ATP6V1C2: variants seen among roughly 807,000 people sequenced by gnomAD.
ATP6V1C2 encodes the protein V-type proton ATPase subunit C 2.
A neutral mutation model predicts 56.8 loss-of-function variants in ATP6V1C2; 45 were observed. That is an observed-to-expected ratio of 0.79 (90% CI 0.62 to 1.02). ATP6V1C2 has a LOEUF of 1.02. Ranked by LOEUF, ATP6V1C2 falls within the 50% of genes least tolerant of loss-of-function variation. ATP6V1C2 has a pLI of 0.00. For missense variants in ATP6V1C2, 463 were observed against 519.7 expected (o/e 0.89, Z 1.06); for synonymous variants, 220 against 201.3 (o/e 1.09, Z -0.79).
intron 3 of ATP6V1C2, among the ~76,000 whole-genome samples, chr2:10,743,580 C>T (rs186220892): frequency 2.6e-5 from 4 of 151,810 alleles, no homozygotes; most frequent in Non-Finnish European, 1.5e-5. Context: ...TTCAATGGCT[C>T]ACACCTGTAA....
chr2:10,769,402 GGTGT>G (rs1664443358), intron 6 of ATP6V1C2, among the ~76,000 whole-genome samples: 1 of 152,134 alleles, frequency 6.6e-6, no homozygotes, highest in Non-Finnish European at 1.5e-5. Flanking sequence ...TGTTGTTGGA[GGTGT>G]GTAAGAGAAG....
At position 10,785,037 on chromosome 2, in the gene ATP6V1C2, G is replaced by A. The variant is rs1436098046; in HGVS notation, c.*1774G>A. 6.4e-6 allele frequency: 10 copies of A among 1,555,140 alleles called. No homozygotes were observed. Among genetic ancestry groups the A allele is most frequent in the Middle Eastern group, 1.7e-4 (1 of 6,008 alleles). On this transcript the variant is annotated 3_prime_UTR_variant, in exon 14 of 14. Transcript: ENST00000272238. ...ACGCCCAAAAGAGAGCTCCCTTAGGGAAAAATGACCAAAACACACACACAC... is the reference window on the plus strand; with the variant it reads ...ACGCCCAAAAGAGAGCTCCCTTAGGAAAAAATGACCAAAACACACACACAC...
chr2:10,761,221 G>A (rs987362574), intron 4 of ATP6V1C2, among the ~76,000 whole-genome samples: 6 of 152,156 alleles, frequency 3.9e-5, no homozygotes, highest in African/African-American at 1.4e-4. Context: ...CGGGGTAGGA[G>A]GTGGAGGGAA....
chr2:10,736,347 C>T (rs1191522316), intron 3 of ATP6V1C2, among the ~76,000 whole-genome samples: 2 of 152,160 alleles, frequency 1.3e-5, no homozygotes, highest in Admixed American at 1.3e-4. Context: ...TACTGTTGCT[C>T]TGTTAGTTTT....
In ATP6V1C2 at chr2:10,784,314, C is replaced by T. The variant is rs1471748337; in HGVS notation, c.*1051C>T. On this transcript the variant is annotated 3_prime_UTR_variant, in exon 14 of 14. Coordinates refer to ENST00000272238, the MANE Select transcript of ATP6V1C2 (RefSeq NM_001039362.2). ...TCCACATCACTGAGGTCAATGTCAT[C>T]CTCCACGGGAAGCTGGGAGACGACA... is the stretch of plus-strand genomic sequence containing the variant. The T allele has an allele frequency of 1.2e-6, 2 of 1,613,080 alleles. No homozygotes were observed. The highest frequency in any genetic ancestry group is 1.7e-5 in the Admixed American group (1 of 59,646).
intron 4 of ATP6V1C2, 21 bp downstream of exon 4, chr2:10,754,087 A>T (rs1411767139): frequency 6.3e-7 from 1 of 1,577,672 alleles, no homozygotes; most frequent in Non-Finnish European, 8.6e-7. Flanking sequence ...CGGCCCTCTG[A>T]TGTGGAGCAC....
chr2:10,776,383 G>A (rs1477802500), intron 10 of ATP6V1C2, among the ~76,000 whole-genome samples: 1 of 152,162 alleles, frequency 6.6e-6, no homozygotes, highest in Admixed American at 6.5e-5. Context: ...CTGAGCCTGC[G>A]GGGAGGGTGT....
intron 10 of ATP6V1C2, among the ~76,000 whole-genome samples, chr2:10,776,062 T>C (rs1664948223): frequency 6.6e-6 from 1 of 152,018 alleles, no homozygotes; most frequent in Non-Finnish European, 1.5e-5. Flanking sequence ...GGCCTGTCTG[T>C]CAGCGACCTT....
chr2:10,772,037 C>G, intron 7 of ATP6V1C2, 100 bp downstream of exon 7: 2 of 976,994 alleles, frequency 2.0e-6, no homozygotes, highest in Non-Finnish European at 3.3e-6. Context: ...TGCTCCCTGC[C>G]CAGCCCCAGT....
intron 10 of ATP6V1C2, among the ~76,000 whole-genome samples, chr2:10,776,129 C>A (rs1163649220): frequency 1.3e-5 from 2 of 152,138 alleles, no homozygotes; most frequent in Admixed American, 1.3e-4. Context: ...AGCCACGGAG[C>A]CCCCGTAGTG....
At chr2:10,744,382 A>T (rs1255502055) in intron 3 of ATP6V1C2, 2 of 152,192 alleles carry the variant, frequency 1.3e-5, no homozygotes, top group African/African-American at 4.8e-5. Context: ...AGTTTTCTTT[A>T]TACACTGAAC....
In ATP6V1C2 at chr2:10,758,412, C is replaced by T. The variant is rs183516315; in HGVS notation, c.283+4346C>T. On this transcript the variant is annotated intron_variant, in intron 4 of 13. Coordinates refer to ENST00000272238, the MANE Select transcript of ATP6V1C2 (RefSeq NM_001039362.2). ...CGGGCTTTATGACCTCTGTGCCTCC[C>T]GTGAGTCGGGTCTCAACTTCCCAAG... Among the ~76,000 whole-genome samples the T allele has an allele frequency of 6.4e-4, 97 of 152,190 alleles. 1 individual carries two copies. The East Asian group carries it at 7.7e-3, about 12-fold the overall frequency.
chr2:10,780,536 C>T lies in ATP6V1C2; in HGVS notation c.1062-1707C>T, dbSNP rs117351330. ...CCCATCTCAAAAGCCTGTACCGACA[C>T]GGATGGCAGCATTGGGTTGGAGGGT... is the stretch of plus-strand genomic sequence containing the variant. On this transcript the variant is annotated intron_variant, in intron 12 of 13. Coordinates refer to ENST00000272238, the MANE Select transcript of ATP6V1C2 (RefSeq NM_001039362.2). The surrounding 1 kb of genome is among the most constrained non-coding windows in gnomAD (Gnocchi z 4.1). Among the ~76,000 whole-genome samples, 50 of 152,344 alleles carry T rather than the reference C, an allele frequency of 3.3e-4. 1 individual carries two copies. In the East Asian group the frequency reaches 8.9e-3, roughly 27 times the overall value.
chr2:10,783,255 C>T lies in ATP6V1C2; in HGVS notation c.1276C>T (p.Leu426Phe). The T allele has an allele frequency of 6.2e-7, 1 of 1,611,774 alleles. No homozygotes were observed. The highest frequency in any genetic ancestry group is 8.5e-7 in the Non-Finnish European group (1 of 1,177,920). Reference protein sequence around the residue: ...YVYFHIDLSLLD With the variant: ...YVYFHIDLSLFD ...CTACTTCCATATTGACCTTAGTCTT[C>T]TTGACTAGAAAGGCCAGCTGGCACC... The change falls in exon 14 of 14, where the codon CTT becomes TTT. Residue 426 changes from leucine to phenylalanine, a missense_variant. Physicochemically the swap from Leu to Phe is conservative, Grantham distance 22. Coordinates refer to ENST00000272238, the MANE Select transcript of ATP6V1C2 (RefSeq NM_001039362.2).
At chr2:10,755,766 A>G (rs1425278523) in intron 4 of ATP6V1C2, among the ~76,000 whole-genome samples, 8 of 152,162 alleles carry the variant, frequency 5.3e-5, no homozygotes, top group African/African-American at 1.7e-4. Flanking sequence ...TCCTGTGCTG[A>G]GGAAGGCCTC....
chr2:10,755,619 G>C (rs1309240231), intron 4 of ATP6V1C2, among the ~76,000 whole-genome samples: 1 of 152,188 alleles, frequency 6.6e-6, no homozygotes, highest in East Asian at 1.9e-4. Context: ...ACAGGGTCCA[G>C]GGAGCTCAGC....
At chr2:10,770,210 C>T (rs1384291802) in intron 6 of ATP6V1C2, among the ~76,000 whole-genome samples, 1 of 152,026 alleles carries the variant, frequency 6.6e-6, no homozygotes, top group Non-Finnish European at 1.5e-5. Flanking sequence ...AACAGCCTGA[C>T]CAACATAGAG....
intron 3 of ATP6V1C2, among the ~76,000 whole-genome samples, chr2:10,731,138 A>G (rs776341073): frequency 6.6e-6 from 1 of 150,798 alleles, no homozygotes; most frequent in Non-Finnish European, 1.5e-5. Context: ...TTGTAGAGAC[A>G]AGGTCTTACT....
At chr2:10,754,378 G>T (rs7573590) in intron 4 of ATP6V1C2, among the ~76,000 whole-genome samples, 1 of 150,232 alleles carries the variant, frequency 6.7e-6, no homozygotes, top group South Asian at 2.1e-4. Context: ...GGCACCCACC[G>T]CCACGCCTGG....
Sources: allele counts gnomAD v4.1 joint callset (sites outside exome capture counted in the v4.1 genomes callset), GRCh38; gene constraint gnomAD v4.1.1; non-coding constraint Gnocchi (gnomAD v3.1); transcripts MANE v1.5; gene names NCBI Gene and HGNC (gene_info 2026-07-23, HGNC 2026-07-21).